Variants in CEP112 observed in about 807,000 individuals in gnomAD.
CEP112 encodes the protein centrosomal protein of 112 kDa.
A neutral mutation model predicts 153.0 loss-of-function variants in CEP112; 127 were observed. The observed-to-expected ratio is 0.83, with a 90% CI of 0.72 to 0.96. The LOEUF is 0.96. CEP112 is among the 40% of genes least tolerant of loss of function. CEP112 has a pLI of 0.00. For synonymous variants in CEP112, 358 were observed against 374.4 expected (o/e 0.96, Z 0.51); for missense variants, 1,089 against 1,101.2 (o/e 0.99, Z 0.16).
At chr17:66,092,362 C>CACACACAG (rs1281589271) in intron 8 of CEP112, among the ~76,000 whole-genome samples, 2 of 150,194 alleles carry the variant, frequency 1.3e-5, no homozygotes, top group African/African-American at 4.9e-5. Flanking sequence ...TTTAAACACA[C>CACACACAG]ACACACACAC....
intron 8 of CEP112, among the ~76,000 whole-genome samples, chr17:66,094,945 T>A (rs1025418794): frequency 6.6e-6 from 1 of 151,978 alleles, no homozygotes. Context: ...AAAACAATAC[T>A]GAGATATCAC....
At chr17:65,868,282 T>C (rs561840546) in intron 20 of CEP112, among the ~76,000 whole-genome samples, 5 of 152,184 alleles carry the variant, frequency 3.3e-5, no homozygotes, top group African/African-American at 7.2e-5. Flanking sequence ...GACGGATCAA[T>C]TGAGGTCAGG....
intron 20 of CEP112, among the ~76,000 whole-genome samples, chr17:65,874,318 G>C (rs1397632067): frequency 6.6e-6 from 1 of 152,084 alleles, no homozygotes; most frequent in African/African-American, 2.4e-5. Flanking sequence ...TATTGCTCTA[G>C]ATATCATAGA....
intron 4 of CEP112, among the ~76,000 whole-genome samples, chr17:66,142,173 C>T (rs574350725): frequency 3.0e-4 from 45 of 152,232 alleles, no homozygotes; most frequent in South Asian, 4.1e-4. Flanking sequence ...TTTGGAGAAA[C>T]GTGTATTCAA....
At chr17:65,819,351 T>C (rs6504362) in intron 21 of CEP112, among the ~76,000 whole-genome samples, 147,220 of 151,982 alleles carry the variant, frequency 0.97, 71,400 homozygotes, top group East Asian at 1. Flanking sequence ...ACAATAAAAA[T>C]AAAAACCAAA....
intron 21 of CEP112, among the ~76,000 whole-genome samples, chr17:65,782,183 A>C (rs575252522): frequency 6.6e-6 from 1 of 152,298 alleles, no homozygotes; most frequent in African/African-American, 2.4e-5. Context: ...AAATGGGCAA[A>C]AGACATGACC....
rs374373866 is a variant in CEP112, at chr17:65,951,750, C to G, written c.1872+9713G>C. On this transcript the variant is annotated intron_variant, in intron 18 of 26. Coordinates refer to ENST00000535342, the MANE Select transcript of CEP112 (RefSeq NM_001199165.4). Reference sequence around the variant, plus strand: ...CTGCTCTAATCTTCCCCCGCCCCCCCCTTTCTTCCACTTGCTTAGAAGCTT... The same window carrying G: ...CTGCTCTAATCTTCCCCCGCCCCCCGCTTTCTTCCACTTGCTTAGAAGCTT... Among the ~76,000 whole-genome samples, 344 of 65,022 alleles carry G rather than the reference C, an allele frequency of 5.3e-3. 16 individuals carry two copies. Among genetic ancestry groups the G allele is most frequent in the South Asian group, 0.053 (60 of 1,140 alleles). 42.7% of individuals were successfully genotyped at this position (65,022 alleles called of 152,430 possible).
intron 23 of CEP112, among the ~76,000 whole-genome samples, chr17:65,701,893 T>G (rs1174544588): frequency 1.1e-4 from 16 of 150,956 alleles, no homozygotes; most frequent in African/African-American, 3.9e-4. Flanking sequence ...CTTCTTTTTT[T>G]TTTTGTTTTT....
intron 17 of CEP112, among the ~76,000 whole-genome samples, chr17:65,968,037 A>T (rs2062478069): frequency 1.3e-5 from 2 of 152,168 alleles, no homozygotes; most frequent in Non-Finnish European, 2.9e-5. Context: ...TACACCATAT[A>T]TGCAGAGTTT....
intron 20 of CEP112, among the ~76,000 whole-genome samples, chr17:65,854,333 T>A (rs778575083): frequency 1.3e-5 from 2 of 152,238 alleles, no homozygotes; most frequent in Admixed American, 6.5e-5. Context: ...CAATTTTTAA[T>A]TTTAACAATT....
chr17:66,051,782 G>A (rs2066452711), intron 12 of CEP112, among the ~76,000 whole-genome samples: 1 of 152,190 alleles, frequency 6.6e-6, no homozygotes, highest in African/African-American at 2.4e-5. Context: ...TGGTAAATGA[G>A]ACAGAGTTCA....
intron 21 of CEP112, among the ~76,000 whole-genome samples, chr17:65,845,633 G>T (rs2057700727): frequency 6.6e-6 from 1 of 152,028 alleles, no homozygotes. Context: ...TAGCTGAATA[G>T]GTTTCTAAAA....
intron 12 of CEP112, among the ~76,000 whole-genome samples, chr17:66,032,461 T>A (rs2065530584): frequency 6.6e-6 from 1 of 152,028 alleles, no homozygotes; most frequent in Admixed American, 6.6e-5. Context: ...ATTAATAATA[T>A]CACAGGCTTT....
chr17:65,761,517 TTGTCTCATAA>T (rs1250663786), intron 21 of CEP112, among the ~76,000 whole-genome samples: 6 of 152,160 alleles, frequency 3.9e-5, no homozygotes, highest in Non-Finnish European at 8.8e-5. Context: ...ATATTTCTTC[TTGTCTCATAA>T]ATGCATTCTA....
chr17:66,168,549 A>G lies in CEP112; in HGVS notation c.470+6495T>C, dbSNP rs183302428. ...TATGTATATATGTGTGTGTGTGTGTATATATATATATATTTTTAACCATTG... is the reference window on the plus strand; with the variant it reads ...TATGTATATATGTGTGTGTGTGTGTGTATATATATATATTTTTAACCATTG... On this transcript the variant is annotated intron_variant, in intron 4 of 26. Coordinates refer to ENST00000535342, the MANE Select transcript of CEP112 (RefSeq NM_001199165.4). 6.1e-3 allele frequency among the ~76,000 whole-genome samples: 917 copies of G among 150,170 alleles called. 9 individuals are homozygous for G. Among genetic ancestry groups the G allele is most frequent in the African/African-American group, 0.019 (781 of 41,070 alleles).
At chr17:66,157,550 G>T (rs1245243745) in intron 4 of CEP112, among the ~76,000 whole-genome samples, 1 of 152,022 alleles carries the variant, frequency 6.6e-6, no homozygotes, top group East Asian at 1.9e-4. Context: ...AATGTAAATG[G>T]ACTAAATGCC....
At chr17:65,721,244 T>C (rs1217254972) in intron 23 of CEP112, among the ~76,000 whole-genome samples, 2 of 152,162 alleles carry the variant, frequency 1.3e-5, no homozygotes, top group African/African-American at 4.8e-5. Context: ...TCTCCTGATC[T>C]TGTGATCTGC....
intron 2 of CEP112, among the ~76,000 whole-genome samples, chr17:66,180,405 A>G (rs2072671473): frequency 1.3e-5 from 2 of 152,162 alleles, no homozygotes; most frequent in Admixed American, 1.3e-4. Flanking sequence ...AATTTTAGAT[A>G]TATTGAAAAA....
chr17:66,085,805 C>T (rs905733901), intron 8 of CEP112, among the ~76,000 whole-genome samples: 4 of 151,900 alleles, frequency 2.6e-5, no homozygotes, highest in Non-Finnish European at 4.4e-5. Context: ...GGTGAAACCC[C>T]GTCTCTACTA....
Sources: allele counts gnomAD v4.1 joint callset (sites outside exome capture counted in the v4.1 genomes callset), GRCh38; gene constraint gnomAD v4.1.1; transcripts MANE v1.5; gene names NCBI Gene and HGNC (gene_info 2026-07-23, HGNC 2026-07-21).